Variants in SLC44A5 observed in about 807,000 individuals in gnomAD.
The protein encoded by SLC44A5 is choline transporter-like protein 5.
A neutral mutation model predicts 101.8 loss-of-function variants in SLC44A5; 57 were observed. That is an observed-to-expected ratio of 0.56 (90% CI 0.45 to 0.70). The LOEUF is 0.70. SLC44A5 is among the 30% of genes least tolerant of loss of function. The pLI is 0.00. For missense variants in SLC44A5, 737 were observed against 853.1 expected, an observed-to-expected ratio of 0.86 and a Z score of 1.70; for synonymous variants, 281 against 290.9, an observed-to-expected ratio of 0.97 and a Z score of 0.35.
the SLC44A5 span, among the ~76,000 whole-genome samples, chr1:75,703,816 GA>G: frequency 6.6e-6 from 1 of 151,856 alleles, no homozygotes; most frequent in Non-Finnish European, 1.5e-5. Flanking sequence ...CATCTGCAGG[GA>G]AGCCCATACA....
chr1:75,432,914 C>T (rs765578899), intron 2 of SLC44A5, among the ~76,000 whole-genome samples: 2 of 152,098 alleles, frequency 1.3e-5, no homozygotes, highest in Non-Finnish European at 2.9e-5. Flanking sequence ...CAACCACACC[C>T]TTTTCCCCAC....
At chr1:75,341,066 G>A (rs150349885) in intron 3 of SLC44A5, among the ~76,000 whole-genome samples, 23 of 152,220 alleles carry the variant, frequency 1.5e-4, no homozygotes, top group African/African-American at 4.3e-4. Context: ...TTAATAATTC[G>A]TTCTCTCTTG....
the SLC44A5 span, among the ~76,000 whole-genome samples, chr1:75,626,654 G>A: frequency 2.0e-5 from 3 of 151,974 alleles, no homozygotes; most frequent in Non-Finnish European, 4.4e-5. Flanking sequence ...GCTTCCCTGG[G>A]CTTATTTTTC....
intron 3 of SLC44A5, among the ~76,000 whole-genome samples, chr1:75,384,442 G>T: frequency 7.4e-6 from 1 of 135,044 alleles, no homozygotes; most frequent in African/African-American, 2.8e-5. Flanking sequence ...AACCAACAAA[G>T]ATCAAAAGAG....
the SLC44A5 span, among the ~76,000 whole-genome samples, chr1:75,705,165 TAC>T: frequency 2.6e-5 from 4 of 152,224 alleles, no homozygotes; most frequent in Non-Finnish European, 5.9e-5. Flanking sequence ...ATTTTTGCAC[TAC>T]AGAGATAAAT....
intron 2 of SLC44A5, among the ~76,000 whole-genome samples, chr1:75,532,322 T>A (rs1670763812): frequency 1.3e-5 from 2 of 152,236 alleles, no homozygotes; most frequent in Admixed American, 1.3e-4. Flanking sequence ...CACTTGCACG[T>A]TACTTCAGTT....
chr1:75,537,034 AT>A (rs1671089367), intron 2 of SLC44A5, among the ~76,000 whole-genome samples: 12 of 18,642 alleles, frequency 6.4e-4, no homozygotes, highest in Non-Finnish European at 7.8e-4. Flanking sequence ...AAAAAAAAAA[AT>A]ATATATCTAT....
At chr1:75,702,132 T>G in the SLC44A5 span, among the ~76,000 whole-genome samples, 1 of 152,152 alleles carries the variant, frequency 6.6e-6, no homozygotes, top group Non-Finnish European at 1.5e-5. Context: ...ACCAATGACT[T>G]TCTTCACAGA....
At chr1:75,689,425 A>T in the SLC44A5 span, among the ~76,000 whole-genome samples, 3 of 152,186 alleles carry the variant, frequency 2.0e-5, no homozygotes, top group African/African-American at 7.2e-5. Context: ...AAAGGGGGGA[A>T]CTCCACAAAT....
intron 2 of SLC44A5, among the ~76,000 whole-genome samples, chr1:75,506,406 A>C (rs1487570894): frequency 6.6e-6 from 1 of 152,082 alleles, no homozygotes; most frequent in Non-Finnish European, 1.5e-5. Context: ...TTGATTGATA[A>C]GAACAGGCTT....
At chr1:75,323,848 A>G (rs1341467228) in intron 4 of SLC44A5, among the ~76,000 whole-genome samples, 1 of 152,320 alleles carries the variant, frequency 6.6e-6, no homozygotes, top group Non-Finnish European at 1.5e-5. Flanking sequence ...GGGTTAAAAA[A>G]TGGCTATTGA....
At chr1:75,675,870 C>T in the SLC44A5 span, among the ~76,000 whole-genome samples, 6 of 152,018 alleles carry the variant, frequency 3.9e-5, no homozygotes, top group African/African-American at 1.4e-4. Flanking sequence ...AAAAACAACC[C>T]CATTAAAAGT....
chr1:75,405,330 T>C (rs756456902), intron 2 of SLC44A5, among the ~76,000 whole-genome samples: 1 of 152,196 alleles, frequency 6.6e-6, no homozygotes, highest in Non-Finnish European at 1.5e-5. Context: ...ATTCAGGACT[T>C]GAACTCAGCT....
intron 1 of SLC44A5, among the ~76,000 whole-genome samples, chr1:75,564,790 T>C (rs1672706065): frequency 6.6e-6 from 1 of 151,944 alleles, no homozygotes; most frequent in Non-Finnish European, 1.5e-5. Context: ...GCCCAGCTAA[T>C]TTTTTGTATT....
chr1:75,602,929 C>T (rs1468120202), intron 1 of SLC44A5, among the ~76,000 whole-genome samples: 1 of 152,004 alleles, frequency 6.6e-6, no homozygotes, highest in Non-Finnish European at 1.5e-5. Context: ...AGTAGTAATA[C>T]ATTTTTAATA....
the SLC44A5 span, among the ~76,000 whole-genome samples, chr1:75,703,942 TTTTGGGAC>T: frequency 6.6e-6 from 1 of 151,876 alleles, no homozygotes; most frequent in East Asian, 1.9e-4. Context: ...AGTCCCCACA[TTTTGGGAC>T]GCTGAGGCAG....
chr1:75,537,643 G>A (rs375716732), intron 2 of SLC44A5, among the ~76,000 whole-genome samples: 87 of 152,298 alleles, frequency 5.7e-4, no homozygotes, highest in African/African-American at 2.0e-3. Flanking sequence ...TTATCAGCAG[G>A]GGGTGGCCAG....
intron 10 of SLC44A5, 65 bp downstream of exon 10, chr1:75,238,448 C>G (rs560189428): frequency 7.8e-7 from 1 of 1,283,614 alleles, no homozygotes; most frequent in Non-Finnish European, 1.0e-6. Context: ...ACCCAATAGG[C>G]GCTTTAGTCT....
chr1:75,661,914 T>C, the SLC44A5 span, among the ~76,000 whole-genome samples: 3 of 151,952 alleles, frequency 2.0e-5, no homozygotes, highest in African/African-American at 7.2e-5. Flanking sequence ...TAAATTAGTA[T>C]AGCCACTATG....
Sources: allele counts gnomAD v4.1 joint callset (sites outside exome capture counted in the v4.1 genomes callset), GRCh38; gene constraint gnomAD v4.1.1; transcripts MANE v1.5; gene names NCBI Gene and HGNC (gene_info 2026-07-23, HGNC 2026-07-21).